PARD3B: variants seen among roughly 807,000 people sequenced by gnomAD.
PARD3B encodes the protein par-3 family cell polarity regulator beta, also known as partitioning defective 3 homolog B.
PARD3B carries 103 observed loss-of-function variants against 130.2 expected under a neutral mutation model. The observed-to-expected ratio is 0.79, with a 90% CI of 0.67 to 0.93. The LOEUF is 0.93. Ranked by LOEUF, PARD3B falls within the 40% of genes least tolerant of loss-of-function variation. The probability of loss-of-function intolerance (pLI) is 0.00; values close to 1 mark genes in which losing one functional copy is unlikely to be tolerated. For missense variants in PARD3B, 1,609 were observed against 1,499.2 expected (o/e 1.07, Z -1.21); for synonymous variants, 583 against 553.2 (o/e 1.05, Z -0.76).
intron 21 of PARD3B, among the ~76,000 whole-genome samples, chr2:205,501,431 T>A (rs2050155976): frequency 6.6e-6 from 1 of 152,162 alleles, no homozygotes; most frequent in Admixed American, 6.6e-5. Context: ...AAGAGAAAGA[T>A]TTCCACAGAA....
chr2:204,832,967 G>A (rs983595022), intron 2 of PARD3B, among the ~76,000 whole-genome samples: 1 of 152,182 alleles, frequency 6.6e-6, no homozygotes, highest in Non-Finnish European at 1.5e-5. Context: ...CTGTACAGAT[G>A]TAAGGTAGCA....
rs556274889 is a variant in PARD3B at position 204,842,878 on chromosome 2, C to T, written c.223-122274C>T. Among the ~76,000 whole-genome samples the T allele has an allele frequency of 1.1e-4, 17 of 152,192 alleles. No homozygotes were observed. In the East Asian group the frequency reaches 2.9e-3, roughly 26 times the overall value. On this transcript the variant is annotated intron_variant, in intron 2 of 22. Coordinates refer to ENST00000406610, the MANE Select transcript of PARD3B (RefSeq NM_001302769.2). Reference sequence around the variant, plus strand: ...AGCTGTTAAATTTCTCGAAGGGAAGCTGAGTCATTAGGAAATGTACCAGAA... The same window carrying T: ...AGCTGTTAAATTTCTCGAAGGGAAGTTGAGTCATTAGGAAATGTACCAGAA...
At chr2:205,520,338 C>T (rs1255134814) in intron 21 of PARD3B, among the ~76,000 whole-genome samples, 2 of 152,050 alleles carry the variant, frequency 1.3e-5, no homozygotes, top group African/African-American at 4.8e-5. Context: ...CTCCTTGGGT[C>T]GACTACAGCT....
chr2:205,036,302 T>TA (rs567312512), intron 3 of PARD3B, among the ~76,000 whole-genome samples: 1 of 144,448 alleles, frequency 6.9e-6, no homozygotes, highest in African/African-American at 2.6e-5. Context: ...GCTATATATA[T>TA]AAAAATATAT....
intron 2 of PARD3B, among the ~76,000 whole-genome samples, chr2:204,877,720 G>A (rs779703140): frequency 6.6e-6 from 1 of 152,108 alleles, no homozygotes; most frequent in Non-Finnish European, 1.5e-5. Context: ...GTACTGGAGG[G>A]GCATCAAATT....
chr2:205,552,149 C>T (rs890038025), intron 21 of PARD3B, among the ~76,000 whole-genome samples: 1 of 152,138 alleles, frequency 6.6e-6, no homozygotes, highest in African/African-American at 2.4e-5. Context: ...CCAGTCACTG[C>T]CCTTTAGGAT....
intron 18 of PARD3B, among the ~76,000 whole-genome samples, chr2:205,346,686 G>A (rs1307877127): frequency 6.6e-6 from 1 of 152,112 alleles, no homozygotes; most frequent in Non-Finnish European, 1.5e-5. Flanking sequence ...TCACCCTGCA[G>A]CTATTCCTTC....
rs1394371065 is a variant in PARD3B at position 205,397,039 on chromosome 2, G to A, written c.2631-3974G>A. Among the ~76,000 whole-genome samples the A allele has an allele frequency of 6.6e-6, 1 of 152,068 alleles. No individual in the cohort carries two copies. The highest frequency in any genetic ancestry group is 2.4e-5 in the African/African-American group (1 of 41,394). On this transcript the variant is annotated intron_variant, in intron 18 of 22. Coordinates refer to ENST00000406610, the MANE Select transcript of PARD3B (RefSeq NM_001302769.2). This position sits in a 1 kb window ranked among gnomAD's most constrained non-coding sequence, Gnocchi z 4.8. ...TCACTCTCTCCCCCGGTCCACTACT[G>A]CCACTACTGATAATTAAGTTGTCTT...
intron 20 of PARD3B, among the ~76,000 whole-genome samples, chr2:205,490,212 G>A (rs373078669): frequency 0.41 from 62,739 of 151,212 alleles, 13,411 homozygotes; most frequent in Admixed American, 0.5. Context: ...TGCTGCACCC[G>A]TTAACTCGTC....
At chr2:204,915,615 C>G (rs576772974) in intron 2 of PARD3B, among the ~76,000 whole-genome samples, 12 of 152,200 alleles carry the variant, frequency 7.9e-5, no homozygotes, top group Non-Finnish European at 1.6e-4. Context: ...AAAAAACCTA[C>G]AAGTAAACAT....
intron 19 of PARD3B, among the ~76,000 whole-genome samples, chr2:205,403,699 A>G (rs1449381121): frequency 6.6e-6 from 1 of 152,198 alleles, no homozygotes; most frequent in Non-Finnish European, 1.5e-5. Context: ...TCTGTGTTTC[A>G]TACACAAGCC....
At chr2:204,801,589 C>G (rs991176818) in intron 2 of PARD3B, among the ~76,000 whole-genome samples, 2 of 152,146 alleles carry the variant, frequency 1.3e-5, no homozygotes, top group Non-Finnish European at 2.9e-5. Context: ...TGCTTATCAA[C>G]TTGAGGAGAT....
rs2046552307 is a variant in PARD3B at position 205,410,261 on chromosome 2, C to T, written c.2741+9138C>T. Among the ~76,000 whole-genome samples the T allele has an allele frequency of 1.3e-5, 2 of 152,160 alleles. 1 individual carries two copies. Among genetic ancestry groups the T allele is most frequent in the African/African-American group, 4.8e-5 (2 of 41,438 alleles). ...ATTTTGGATTTTCAGATTTGGGATG[C>T]TCAACCTATACAGATAAATTTACTT... On this transcript the variant is annotated intron_variant, in intron 19 of 22. Transcript: ENST00000406610.
At chr2:204,888,545 A>G (rs1326573876) in intron 2 of PARD3B, among the ~76,000 whole-genome samples, 1 of 152,074 alleles carries the variant, frequency 6.6e-6, no homozygotes, top group African/African-American at 2.4e-5. Flanking sequence ...CAGTCTTGGC[A>G]ACATGGTGAA....
At chr2:205,542,144 C>CAAAAAAAAAAAA (rs71032484) in intron 21 of PARD3B, among the ~76,000 whole-genome samples, 4 of 38,068 alleles carry the variant, frequency 1.1e-4, no homozygotes, top group African/African-American at 5.4e-4. Context: ...ACTCCGTCTC[C>CAAAAAAAAAAAA]AAAAAAAAAA....
At chr2:205,328,321 T>G (rs559589502) in intron 18 of PARD3B, among the ~76,000 whole-genome samples, 406 of 152,320 alleles carry the variant, frequency 2.7e-3, no homozygotes, top group South Asian at 0.019. Flanking sequence ...CTTTAGATGT[T>G]GCTAATGTTA....
chr2:205,307,652 A>G (rs1030162302), intron 18 of PARD3B, among the ~76,000 whole-genome samples: 7 of 152,206 alleles, frequency 4.6e-5, no homozygotes, highest in African/African-American at 1.7e-4. Flanking sequence ...TCTAGGAGCC[A>G]AAGAGAAATA....
intron 21 of PARD3B, among the ~76,000 whole-genome samples, chr2:205,535,491 T>C (rs1183959164): frequency 6.6e-6 from 1 of 152,248 alleles, no homozygotes; most frequent in Non-Finnish European, 1.5e-5. Flanking sequence ...AATCTGCATG[T>C]GAATATTCTA....
chr2:204,823,594 G>C (rs183705480), intron 2 of PARD3B, among the ~76,000 whole-genome samples: 139 of 152,108 alleles, frequency 9.1e-4, no homozygotes, highest in African/African-American at 3.2e-3. Flanking sequence ...GCTGTATTCT[G>C]CTTATTGGCA....
Sources: allele counts gnomAD v4.1 joint callset (sites outside exome capture counted in the v4.1 genomes callset), GRCh38; gene constraint gnomAD v4.1.1; non-coding constraint Gnocchi (gnomAD v3.1); transcripts MANE v1.5; gene names NCBI Gene and HGNC (gene_info 2026-07-23, HGNC 2026-07-21).